PIKFYVE: variants seen among roughly 807,000 people sequenced by gnomAD.
PIKFYVE encodes phosphoinositide kinase, FYVE-type zinc finger containing.
Under a neutral mutation model 257.9 loss-of-function variants are expected in PIKFYVE, and 122 were observed. That is an observed-to-expected ratio of 0.47 (90% CI 0.41 to 0.55). The LOEUF is 0.55. Ranked by LOEUF, PIKFYVE falls within the 20% of genes least tolerant of loss-of-function variation. The pLI, the probability that PIKFYVE is intolerant of heterozygous loss-of-function variation, is 0.00. For synonymous variants in PIKFYVE, 892 were observed against 868.9 expected, an observed-to-expected ratio of 1.03 and a Z score of -0.47; for missense variants, 2,160 against 2,536.6, an observed-to-expected ratio of 0.85 and a Z score of 3.19.
intron 32 of PIKFYVE, 139 bp downstream of exon 32, chr2:208,342,788 C>CTTTT: frequency 2.0e-6 from 1 of 504,720 alleles, no homozygotes; most frequent in Admixed American, 4.2e-5. Context: ...GTCGTGATAG[C>CTTTT]TTGTTCTTTT....
Position 208,340,113 on chromosome 2 carries a change from A to G in PIKFYVE, c.4913A>G (p.Asn1638Ser). 6.2e-7 allele frequency: 1 copy of G among 1,613,978 alleles called. No individual in the cohort carries two copies. Among genetic ancestry groups the G allele is most frequent in the South Asian group, 1.1e-5 (1 of 91,068 alleles). ...FANLLPGNSYNPIPFPFDPDK... is the reference protein window; with the variant it reads ...FANLLPGNSYSPIPFPFDPDK... ...AATTTGCTTCCAGGAAATAGCTATA[A>G]TCCTATTCCATTTCCTTTGTAAGTA... is the stretch of plus-strand genomic sequence containing the variant. The change falls in exon 31 of 42, where the codon AAT (asparagine) becomes AGT (serine). Residue 1638 changes from asparagine (N) to serine (S), a missense_variant. Physicochemically the swap from Asn to Ser is conservative, Grantham distance 46 (BLOSUM62 1). Around this residue, in one of 12 missense-constraint regions of PIKFYVE, gnomAD observed 699 missense variants for 855.8 expected, o/e 0.82. Coordinates refer to ENST00000264380, the MANE Select transcript of PIKFYVE (RefSeq NM_015040.4).
intron 9 of PIKFYVE, among the ~76,000 whole-genome samples, chr2:208,301,755 G>T (rs1406966905): frequency 1.3e-5 from 2 of 152,116 alleles, no homozygotes; most frequent in East Asian, 3.8e-4. Flanking sequence ...AATAAACTGT[G>T]GGGGATGAAA....
intron 12 of PIKFYVE, among the ~76,000 whole-genome samples, chr2:208,307,800 G>T (rs1694503577): frequency 6.6e-6 from 1 of 152,114 alleles, no homozygotes; most frequent in South Asian, 2.1e-4. Context: ...TACTATCTTT[G>T]TTGATGTTAA....
chr2:208,335,757 C>G (rs1158264564), intron 25 of PIKFYVE, 36 bp from the exon 26 acceptor site: 1 of 1,466,738 alleles, frequency 6.8e-7, no homozygotes, highest in Admixed American at 1.7e-5. Flanking sequence ...TTTGATTCAC[C>G]CTTTCTAAAG....
intron 6 of PIKFYVE, among the ~76,000 whole-genome samples, chr2:208,288,407 G>C (rs932791819): frequency 1.3e-5 from 2 of 152,088 alleles, no homozygotes; most frequent in African/African-American, 4.8e-5. Context: ...TTGAACTCAA[G>C]ATTTCCCTCC....
chr2:208,311,297 C>G (rs1326674816), intron 12 of PIKFYVE, among the ~76,000 whole-genome samples: 1 of 152,150 alleles, frequency 6.6e-6, no homozygotes, highest in Admixed American at 6.5e-5. Flanking sequence ...ATCTTGCCCA[C>G]ATACTCGATT....
chr2:208,333,768 G>A lies in PIKFYVE; in HGVS notation c.4142+275G>A, dbSNP rs554711562. ...TGGAGTAATGATTTGAACCTTGGTC[G>A]ATCTACTACCAGCCTCACTCTTTTT... is the stretch of plus-strand genomic sequence containing the variant. On this transcript the variant is annotated intron_variant, in intron 24 of 41. Transcript: ENST00000264380. 2.3e-3 allele frequency among the ~76,000 whole-genome samples: 348 copies of A among 152,192 alleles called. 1 individual carries two copies. The highest frequency in any genetic ancestry group is 8.2e-3 in the African/African-American group (341 of 41,532).
chr2:208,289,142 CCT>C (rs1691965169), intron 7 of PIKFYVE, among the ~76,000 whole-genome samples: 1 of 152,048 alleles, frequency 6.6e-6, no homozygotes, highest in South Asian at 2.1e-4. Flanking sequence ...ATAACAAATT[CCT>C]GAGAGGAAAT....
At chr2:208,274,194 G>A in intron 3 of PIKFYVE, 2 of 889,718 alleles carry the variant, frequency 2.2e-6, no homozygotes, top group Non-Finnish European at 3.6e-6. Context: ...CCTTGTTGGG[G>A]TGCAAACTGT....
chr2:208,338,498 T>G lies in PIKFYVE; in HGVS notation c.4612-10T>G. On this transcript the variant is annotated splice_polypyrimidine_tract_variant and intron_variant, in intron 28 of 41. Transcript: ENST00000264380. Reference sequence around the variant, plus strand: ...TTTTCCATAAGAACAAAGTATTTACTTCTCTACAGATAAGTGCGATGGATG... The same window carrying G: ...TTTTCCATAAGAACAAAGTATTTACGTCTCTACAGATAAGTGCGATGGATG... 6.2e-7 allele frequency: 1 copy of G among 1,610,964 alleles called. No homozygotes were observed. The highest frequency in any genetic ancestry group is 8.5e-7 in the Non-Finnish European group (1 of 1,177,246).
At chr2:208,332,106 C>G (rs561638512) in intron 23 of PIKFYVE, among the ~76,000 whole-genome samples, 14 of 151,886 alleles carry the variant, frequency 9.2e-5, no homozygotes, top group Non-Finnish European at 1.8e-4. Context: ...TATGACTAAA[C>G]ATAAATATAT....
chr2:208,314,333 A>G lies in PIKFYVE; in HGVS notation c.1736A>G (p.Glu579Gly), dbSNP rs1220916806. ...CGCCGAGTAGAGGAAAAATCCAAAG[A>G]GCTGCCTTTCACACCTTTGGGCTGG... ...FNRRVEEKSK[E>G]LPFTPLGWHH... is the part of the protein sequence containing the mutation. The change falls in exon 14 of 42, where the codon GAG becomes GGG. Residue 579 changes from glutamate (E) to glycine (G), a missense_variant. Glu to Gly is a moderately conservative substitution (Grantham distance 98, BLOSUM62 -2). Around this residue, in one of 12 missense-constraint regions of PIKFYVE, gnomAD observed 346 missense variants for 365.6 expected, o/e 0.95. Coordinates refer to ENST00000264380, the MANE Select transcript of PIKFYVE (RefSeq NM_015040.4). 2 of 1,613,864 alleles carry G rather than the reference A, an allele frequency of 1.2e-6. No individual in the cohort carries two copies. The highest frequency in any genetic ancestry group is 1.7e-6 in the Non-Finnish European group (2 of 1,179,780).
At chr2:208,309,544 G>A (rs563717482) in intron 12 of PIKFYVE, among the ~76,000 whole-genome samples, 3 of 152,304 alleles carry the variant, frequency 2.0e-5, no homozygotes, top group South Asian at 4.1e-4. Context: ...TGAATAGAAC[G>A]AGGTTGCCAG....
rs1689424444 is a variant in PIKFYVE, at chr2:208,271,552, G to A, written c.33G>A (p.Leu11=). The change falls in exon 2 of 42, where the codon CTG becomes CTA. Residue 11 remains leucine (L), a synonymous_variant. Transcript: ENST00000264380. Reference sequence around the variant, plus strand: ...CAGATGATAAGACGTCCCCAACACTGGACTCTGCTAATGATTTGCCTCGAT... The same window carrying A: ...CAGATGATAAGACGTCCCCAACACTAGACTCTGCTAATGATTTGCCTCGAT... The part of the protein sequence containing the change: MATDDKTSPT[L]DSANDLPRSP... 6.2e-7 allele frequency: 1 copy of A among 1,613,934 alleles called. No homozygotes were observed. Among genetic ancestry groups the A allele is most frequent in the African/African-American group, 1.3e-5 (1 of 74,904 alleles).
intron 14 of PIKFYVE, 122 bp downstream of exon 14, chr2:208,314,545 A>C (rs1337296280): frequency 8.7e-7 from 1 of 1,143,256 alleles, no homozygotes; most frequent in Non-Finnish European, 1.2e-6. Flanking sequence ...AAAGTAAAAA[A>C]ATACTAAGGT....
At chr2:208,307,573 T>G (rs1011753238) in intron 12 of PIKFYVE, among the ~76,000 whole-genome samples, 3 of 84 alleles carry the variant, frequency 0.036, no homozygotes, top group African/African-American at 0.079. Flanking sequence ...GATAGATACA[T>G]TTTTTTTTTT....
intron 2 of PIKFYVE, 21 bp from the exon 3 acceptor site, chr2:208,273,563 C>T (rs1205391898): frequency 6.2e-7 from 1 of 1,614,014 alleles, no homozygotes; most frequent in Non-Finnish European, 8.5e-7. Flanking sequence ...TTAAATAATG[C>T]CAAGCGTTCC....
intron 5 of PIKFYVE, 54 bp downstream of exon 5, chr2:208,277,762 A>G (rs1190715999): frequency 6.4e-7 from 1 of 1,568,994 alleles, no homozygotes; most frequent in African/African-American, 1.4e-5. Flanking sequence ...ACTATAAGAC[A>G]CTTATAATAC....
rs1464000009 is a variant in PIKFYVE at position 208,336,149 on chromosome 2, TC to T, written c.4470del (p.Ile1491LeufsTer40). 1 of 1,614,086 alleles carries T rather than the reference TC, an allele frequency of 6.2e-7. No homozygotes were observed. On this transcript the variant is annotated frameshift_variant, in exon 27 of 42. Coordinates refer to ENST00000264380, the MANE Select transcript of PIKFYVE (RefSeq NM_015040.4). LOFTEE classifies it high-confidence loss of function. ...CAACTGCAGTCGGTCTTTGAGTCAC[TC>T]ATTGCCAAGAAACAAAGTCTCTGTG... ...PQQLQSVFESLIAKKQSLCEV... is the reference protein window; with the variant it reads ...PQQLQSVFESXIAKKQSLCEV...
Sources: gnomAD v4.1 joint callset for allele counts (sites outside exome capture counted in the v4.1 genomes callset) on GRCh38, gnomAD v4.1.1 for gene constraint, gnomAD v4.1.1 regional missense constraint, MANE v1.5 for transcripts, NCBI Gene and HGNC (gene_info 2026-07-23, HGNC 2026-07-21) for gene names.